The following BAZ2B variants were observed in gnomAD, a reference collection of about 807,000 sequenced individuals.
The protein encoded by BAZ2B is bromodomain adjacent to zinc finger domain 2B, also known as bromodomain adjacent to zinc finger domain protein 2B.
Under a neutral mutation model 246.0 loss-of-function variants are expected in BAZ2B, and 91 were observed. That is an observed-to-expected ratio of 0.37 (90% CI 0.31 to 0.44). The LOEUF (loss-of-function observed/expected upper bound fraction) is 0.44, where lower values mean the gene tolerates loss of function less well. Among genes scored for constraint, BAZ2B ranks in the 20% least tolerant of loss-of-function variants. The pLI is 1.00. For synonymous variants in BAZ2B, 855 were observed against 860.0 expected (o/e 0.99, Z 0.10); for missense variants, 2,332 against 2,533.7 (o/e 0.92, Z 1.71).
At chr2:159,381,812 C>G (rs1017157857) in intron 25 of BAZ2B, among the ~76,000 whole-genome samples, 1 of 152,210 alleles carries the variant, frequency 6.6e-6, no homozygotes, top group Non-Finnish European at 1.5e-5. Flanking sequence ...GAAGCACTTG[C>G]AATCCCCTTA....
At position 159,383,705 on chromosome 2, in the gene BAZ2B, A is replaced by C. The variant is rs745637801; in HGVS notation, c.3687-25T>G. 4.9e-5 allele frequency: 77 copies of C among 1,583,822 alleles called. 1 individual carries two copies. The highest frequency in any genetic ancestry group is 6.2e-5 in the Non-Finnish European group (72 of 1,157,874). Reference sequence around the variant, plus strand: ...ACTGCCAATGCAAGAATTTATTAAAAAGTGTAAATTAATCAATTTATGCAA... The same window carrying C: ...ACTGCCAATGCAAGAATTTATTAAACAGTGTAAATTAATCAATTTATGCAA... On this transcript the variant is annotated intron_variant, in intron 23 of 36. Transcript: ENST00000392783.
intron 4 of BAZ2B, among the ~76,000 whole-genome samples, chr2:159,452,371 A>C (rs954324552): frequency 4.6e-5 from 7 of 152,244 alleles, no homozygotes; most frequent in African/African-American, 1.4e-4. Context: ...TCAGCACTAC[A>C]TATGACTTAA....
chr2:159,348,309 G>C (rs2058179003), intron 30 of BAZ2B, among the ~76,000 whole-genome samples: 2 of 103,908 alleles, frequency 1.9e-5, no homozygotes, highest in African/African-American at 8.0e-5. Context: ...GACACAGCAA[G>C]ACTCTCTCAC....
chr2:159,505,886 C>T (rs1301446406), intron 2 of BAZ2B, among the ~76,000 whole-genome samples: 1 of 152,172 alleles, frequency 6.6e-6, no homozygotes, highest in Non-Finnish European at 1.5e-5. Flanking sequence ...GGCTTTACTG[C>T]TAACTGAGGC....
the BAZ2B span, among the ~76,000 whole-genome samples, chr2:159,626,597 T>C: frequency 2.0e-5 from 3 of 152,032 alleles, no homozygotes; most frequent in Non-Finnish European, 4.4e-5. Context: ...AAGGCAGAAA[T>C]AAAGATATTC....
At chr2:159,602,639 T>C (rs565326014) in intron 1 of BAZ2B, among the ~76,000 whole-genome samples, 15 of 152,302 alleles carry the variant, frequency 9.8e-5, no homozygotes, top group African/African-American at 3.4e-4. Flanking sequence ...CAGGCCATGG[T>C]GGCAGTTTTT....
intron 20 of BAZ2B, among the ~76,000 whole-genome samples, chr2:159,393,936 T>C (rs2063657110): frequency 6.6e-6 from 1 of 152,210 alleles, no homozygotes; most frequent in African/African-American, 2.4e-5. Context: ...TTCATGTCTC[T>C]GAGGCCTTTG....
At chr2:159,550,717 C>T (rs999960887) in intron 2 of BAZ2B, among the ~76,000 whole-genome samples, 5 of 152,020 alleles carry the variant, frequency 3.3e-5, no homozygotes, top group African/African-American at 1.2e-4. Context: ...ACAGTATGTA[C>T]ACTATAAAGT....
intron 1 of BAZ2B, among the ~76,000 whole-genome samples, chr2:159,574,142 T>TACACAC (rs70997110): frequency 4.8e-5 from 7 of 145,064 alleles, no homozygotes; most frequent in South Asian, 2.2e-4. Flanking sequence ...CACACACACA[T>TACACAC]ACACACACAC....
chr2:159,404,017 A>C (rs533368789), intron 16 of BAZ2B, among the ~76,000 whole-genome samples: 1 of 152,274 alleles, frequency 6.6e-6, no homozygotes, highest in South Asian at 2.1e-4. Context: ...GAAACCTTGG[A>C]GATAACCACA....
upstream of BAZ2B, among the ~76,000 whole-genome samples, chr2:159,621,397 G>A (rs187159501): frequency 5.3e-5 from 8 of 151,988 alleles, no homozygotes; most frequent in African/African-American, 1.4e-4. Context: ...TTAAGAACAC[G>A]GCTGTAAGCA....
At chr2:159,508,882 T>C (rs2082615832) in intron 2 of BAZ2B, among the ~76,000 whole-genome samples, 1 of 152,192 alleles carries the variant, frequency 6.6e-6, no homozygotes, top group Non-Finnish European at 1.5e-5. Flanking sequence ...TTTGTGATAT[T>C]ATATATCCCT....
intron 2 of BAZ2B, among the ~76,000 whole-genome samples, chr2:159,526,844 A>G (rs1220645872): frequency 6.6e-6 from 1 of 151,600 alleles, no homozygotes. Flanking sequence ...AAAAAACCTA[A>G]TAGTTTTTTG....
chr2:159,560,688 C>T (rs1250571311), intron 1 of BAZ2B, among the ~76,000 whole-genome samples: 1 of 151,908 alleles, frequency 6.6e-6, no homozygotes, highest in Non-Finnish European at 1.5e-5. Flanking sequence ...CCACCACGCC[C>T]AGCTAATTTT....
the BAZ2B span, among the ~76,000 whole-genome samples, chr2:159,650,937 C>G: frequency 6.6e-6 from 1 of 152,162 alleles, no homozygotes; most frequent in Non-Finnish European, 1.5e-5. Flanking sequence ...TCACATATTC[C>G]TATTATTTCA....
At chr2:159,506,734 C>T (rs543082732) in intron 2 of BAZ2B, among the ~76,000 whole-genome samples, 198 of 152,312 alleles carry the variant, frequency 1.3e-3, no homozygotes, top group Admixed American at 2.2e-3. Flanking sequence ...ACCACAATGT[C>T]TTTTCTCCTC....
At chr2:159,428,162 G>C (rs1020261756) in intron 12 of BAZ2B, 120 bp from the exon 13 acceptor site, 2 of 1,110,684 alleles carry the variant, frequency 1.8e-6, no homozygotes, top group African/African-American at 3.1e-5. Context: ...TAAATTTATA[G>C]GAGATCAATT....
chr2:159,555,664 AC>A lies in BAZ2B; in HGVS notation c.-3+158del, dbSNP rs547406826. The A allele has an allele frequency of 4.0e-3, 558 of 139,282 alleles. 4 individuals are homozygous for A. Among genetic ancestry groups the A allele is most frequent in the African/African-American group, 0.015 (516 of 33,600 alleles). The allele number at this position is 139,282 out of a possible 1,614,324, so 8.6% of individuals were successfully genotyped here. ...GTAATATTTTAAAAGTATTTAAATAACTAGCTAGAAGTATAAGATATGATTC... is the reference window on the plus strand; with the variant it reads ...GTAATATTTTAAAAGTATTTAAATAATAGCTAGAAGTATAAGATATGATTC... On this transcript the variant is annotated intron_variant, in intron 2 of 36. Coordinates refer to ENST00000392783, the MANE Select transcript of BAZ2B (RefSeq NM_013450.4).
At chr2:159,610,966 T>G (rs1694597864) in intron 1 of BAZ2B, among the ~76,000 whole-genome samples, 1 of 152,130 alleles carries the variant, frequency 6.6e-6, no homozygotes, top group African/African-American at 2.4e-5. Context: ...CAAAATACAT[T>G]TAAAAGTCAT....
Sources: allele counts gnomAD v4.1 joint callset (sites outside exome capture counted in the v4.1 genomes callset), GRCh38; gene constraint gnomAD v4.1.1; transcripts MANE v1.5; gene names NCBI Gene and HGNC (gene_info 2026-07-23, HGNC 2026-07-21).